TIAM1: variants seen among roughly 807,000 people sequenced by gnomAD.
TIAM1 encodes the protein rho guanine nucleotide exchange factor TIAM1.
In TIAM1, 65 loss-of-function variants were observed where a neutral mutation model predicts 163.5. The observed-to-expected ratio is 0.40, with a 90% confidence interval of 0.33 to 0.49. The LOEUF (loss-of-function observed/expected upper bound fraction) is 0.49, where lower values mean the gene tolerates loss of function less well. Among genes scored for constraint, TIAM1 ranks in the 20% least tolerant of loss-of-function variants. TIAM1 has a pLI of 0.77. For missense variants in TIAM1, 1,789 were observed against 2,044.7 expected, an observed-to-expected ratio of 0.87 and a Z score of 2.41; for synonymous variants, 833 against 810.1, an observed-to-expected ratio of 1.03 and a Z score of -0.48.
intron 26 of TIAM1, among the ~76,000 whole-genome samples, chr21:31,125,190 T>C (rs1445242186): frequency 6.9e-6 from 1 of 145,304 alleles, no homozygotes; most frequent in Non-Finnish European, 1.5e-5. Flanking sequence ...TAAAGAACTA[T>C]AAAATCTTCC....
chr21:31,135,258 T>C (rs182858150), intron 23 of TIAM1, among the ~76,000 whole-genome samples: 2 of 152,356 alleles, frequency 1.3e-5, no homozygotes, highest in East Asian at 3.9e-4. Context: ...CTAAATTATA[T>C]GCTAACCCAT....
chr21:31,407,464 A>T (rs564102028), intron 2 of TIAM1, among the ~76,000 whole-genome samples: 88 of 151,766 alleles, frequency 5.8e-4, no homozygotes, highest in African/African-American at 1.9e-3. Flanking sequence ...AGAAGTCTCA[A>T]CCTCCTCTCC....
chr21:31,519,508 C>CAA (rs538283897), intron 1 of TIAM1, among the ~76,000 whole-genome samples: 46 of 82,538 alleles, frequency 5.6e-4, no homozygotes, highest in African/African-American at 1.0e-3. Context: ...GATTCTGTCT[C>CAA]AAAAAAAAAA....
intron 2 of TIAM1, among the ~76,000 whole-genome samples, chr21:31,363,560 T>C (rs2076444489): frequency 6.6e-6 from 1 of 152,152 alleles, no homozygotes; most frequent in South Asian, 2.1e-4. Context: ...AAGCTTCCTC[T>C]AATGATGTCT....
chr21:31,341,854 G>A (rs2076029424), intron 1 of TIAM1, among the ~76,000 whole-genome samples: 1 of 152,146 alleles, frequency 6.6e-6, no homozygotes, highest in Non-Finnish European at 1.5e-5. Context: ...ACTCAAGAAA[G>A]GAGGTGGCCT....
At chr21:31,234,328 G>A (rs1458876983) in intron 6 of TIAM1, among the ~76,000 whole-genome samples, 1 of 142,320 alleles carries the variant, frequency 7.0e-6, no homozygotes, top group Non-Finnish European at 1.5e-5. Context: ...GAGGGGAAGG[G>A]AGGGAGGGAA....
intron 1 of TIAM1, among the ~76,000 whole-genome samples, chr21:31,513,351 C>T (rs540504476): frequency 6.6e-6 from 1 of 152,290 alleles, no homozygotes; most frequent in South Asian, 2.1e-4. Context: ...GATTCCAGTC[C>T]ACTAGTCTGT....
At chr21:31,185,418 T>G (rs912817825) in intron 14 of TIAM1, among the ~76,000 whole-genome samples, 3 of 134,774 alleles carry the variant, frequency 2.2e-5, no homozygotes, top group African/African-American at 9.3e-5. Context: ...TTATATATAA[T>G]TATGTTATAT....
chr21:31,286,615 G>T (rs1055723905), intron 2 of TIAM1, among the ~76,000 whole-genome samples: 2 of 152,228 alleles, frequency 1.3e-5, no homozygotes, highest in South Asian at 2.1e-4. Context: ...GGGATGGCTT[G>T]CCCGGGAGGA....
rs58141765 is a variant in TIAM1, at chr21:31,197,539, C to CTTTTTTTTTTTTTTTTTTTTTT, written c.2494-2235_2494-2234insAAAAAAAAAAAAAAAAAAAAAA. Among the ~76,000 whole-genome samples the CTTTTTTTTTTTTTTTTTTTTTT allele has an allele frequency of 1.6e-4, 20 of 123,248 alleles. 1 individual carries two copies. In the East Asian group the frequency reaches 1.9e-3, roughly 12 times the overall value. 80.9% of individuals were successfully genotyped at this position (123,248 alleles called of 152,430 possible). A position where few individuals can be genotyped will look rare whatever the true frequency, so the allele number is the denominator to read the frequency against. On this transcript the variant is annotated intron_variant, in intron 12 of 27. Coordinates refer to ENST00000541036, the MANE Select transcript of TIAM1 (RefSeq NM_001353694.2). ...TACAGGCGCCCGCCACCGCGCCCGG[C>CTTTTTTTTTTTTTTTTTTTTTT]TTTTTTTTTTTTTTTGTATTTTTAG...
chr21:31,127,696 G>T lies in TIAM1; in HGVS notation c.4046-544C>A, dbSNP rs151211616. On this transcript the variant is annotated intron_variant, in intron 25 of 27. Transcript: ENST00000541036. ...CTCCCAAAGTGCTGGGATTACAAGCGTGAGCCACCGCGCCCGGCCTGAACT... is the reference window on the plus strand; with the variant it reads ...CTCCCAAAGTGCTGGGATTACAAGCTTGAGCCACCGCGCCCGGCCTGAACT... Among the ~76,000 whole-genome samples the T allele has an allele frequency of 3.6e-3, 548 of 152,242 alleles. 5 individuals carry two copies. Among genetic ancestry groups the T allele is most frequent in the African/African-American group, 0.013 (527 of 41,538 alleles).
chr21:31,539,254 G>C (rs928150202), intron 1 of TIAM1, among the ~76,000 whole-genome samples: 1 of 146,360 alleles, frequency 6.8e-6, no homozygotes, highest in East Asian at 2.0e-4. Context: ...CAGGGGAAGA[G>C]AGGGAATGGG....
chr21:31,369,083 G>A (rs569827633), intron 2 of TIAM1, among the ~76,000 whole-genome samples: 5 of 152,154 alleles, frequency 3.3e-5, no homozygotes, highest in South Asian at 2.1e-4. Context: ...AAAATTAGCC[G>A]GCCGTGGTGG....
At chr21:31,242,398 C>T (rs148310283) in intron 6 of TIAM1, among the ~76,000 whole-genome samples, 7 of 152,122 alleles carry the variant, frequency 4.6e-5, no homozygotes, top group African/African-American at 1.7e-4. Flanking sequence ...TGGTGCACAC[C>T]TGTAGCCCCA....
At chr21:31,220,251 T>G (rs1033136192) in intron 8 of TIAM1, among the ~76,000 whole-genome samples, 1 of 152,244 alleles carries the variant, frequency 6.6e-6, no homozygotes, top group Non-Finnish European at 1.5e-5. Flanking sequence ...CACAAGAATA[T>G]AAGCTTCAAG....
At chr21:31,145,454 T>C (rs543321751) in intron 20 of TIAM1, among the ~76,000 whole-genome samples, 1 of 152,300 alleles carries the variant, frequency 6.6e-6, no homozygotes, top group South Asian at 2.1e-4. Context: ...TTTCCAGAGA[T>C]TCTTTAAAAT....
At chr21:31,271,586 A>G (rs2073057938) in intron 3 of TIAM1, among the ~76,000 whole-genome samples, 1 of 152,142 alleles carries the variant, frequency 6.6e-6, no homozygotes, top group Non-Finnish European at 1.5e-5. Context: ...CTGGGGAAAG[A>G]ATTAAGGGCT....
At chr21:31,350,388 T>C (rs2076215440) in intron 2 of TIAM1, among the ~76,000 whole-genome samples, 1 of 152,166 alleles carries the variant, frequency 6.6e-6, no homozygotes, top group Non-Finnish European at 1.5e-5. Context: ...GAGTGGAGAA[T>C]GACGCTGGCT....
intron 15 of TIAM1, among the ~76,000 whole-genome samples, chr21:31,171,035 C>CA (rs34291568): frequency 0.1 from 2,039 of 19,458 alleles, 289 homozygotes; most frequent in African/African-American, 0.16. Flanking sequence ...GACTCCATCT[C>CA]AAAAAAAAAA....
Sources: allele counts gnomAD v4.1 joint callset (sites outside exome capture counted in the v4.1 genomes callset), GRCh38; gene constraint gnomAD v4.1.1; transcripts MANE v1.5; gene names NCBI Gene and HGNC (gene_info 2026-07-23, HGNC 2026-07-21).